Variants in SLIT2 observed in about 807,000 individuals in gnomAD.
SLIT2 encodes slit homolog 2 protein.
A neutral mutation model predicts 185.7 loss-of-function variants in SLIT2; 41 were observed. That is an observed-to-expected ratio of 0.22 (90% confidence interval 0.17 to 0.29). The LOEUF (loss-of-function observed/expected upper bound fraction) is 0.29. SLIT2 is among the 10% of genes least tolerant of loss of function. The pLI is 1.00. For synonymous variants in SLIT2, 693 were observed against 680.2 expected (o/e 1.02, Z -0.29); for missense variants, 1,571 against 1,909.0 (o/e 0.82, Z 3.30).
At chr4:20,613,064 A>T (rs552967647) in intron 34 of SLIT2, among the ~76,000 whole-genome samples, 1 of 152,314 alleles carries the variant, frequency 6.6e-6, no homozygotes, top group East Asian at 1.9e-4. Flanking sequence ...AGAAATGTAA[A>T]TTAATTCAGC....
intron 4 of SLIT2, among the ~76,000 whole-genome samples, chr4:20,436,267 AACAT>A (rs1197647984): frequency 1.3e-5 from 2 of 152,226 alleles, no homozygotes; most frequent in African/African-American, 4.8e-5. Context: ...TACCTCTTTA[AACAT>A]ACAATCTAAG....
intron 1 of SLIT2, chr4:20,255,102 T>G (rs1407228945): frequency 2.2e-6 from 1 of 455,204 alleles, no homozygotes. Flanking sequence ...CGGTTGCGTG[T>G]GGGCCGGGAG....
intron 4 of SLIT2, among the ~76,000 whole-genome samples, chr4:20,409,594 G>C (rs549249991): frequency 3.0e-4 from 45 of 152,274 alleles, no homozygotes; most frequent in African/African-American, 1.1e-3. Flanking sequence ...CCCAGTCATG[G>C]GATTTCTGGG....
chr4:20,401,662 A>G (rs1460097077), intron 4 of SLIT2, among the ~76,000 whole-genome samples: 2 of 151,832 alleles, frequency 1.3e-5, no homozygotes, highest in East Asian at 1.9e-4. Flanking sequence ...ACATTCTACA[A>G]CTTGACATAA....
intron 9 of SLIT2, among the ~76,000 whole-genome samples, chr4:20,505,312 T>C (rs1719105475): frequency 6.6e-6 from 1 of 152,070 alleles, no homozygotes; most frequent in East Asian, 1.9e-4. Flanking sequence ...TCCATGTCTA[T>C]ATAAGTGCAA....
intron 4 of SLIT2, among the ~76,000 whole-genome samples, chr4:20,409,437 T>C (rs985837165): frequency 1.2e-4 from 18 of 152,228 alleles, no homozygotes; most frequent in Non-Finnish European, 1.0e-4. Context: ...TTCCATGGTG[T>C]ATATGTACCA....
At chr4:20,382,410 G>C (rs116343656) in intron 4 of SLIT2, among the ~76,000 whole-genome samples, 1 of 151,992 alleles carries the variant, frequency 6.6e-6, no homozygotes, top group African/African-American at 2.4e-5. Context: ...TAACATGATC[G>C]TTTTTGTAGA....
At chr4:20,383,987 T>C (rs538905884) in intron 4 of SLIT2, among the ~76,000 whole-genome samples, 22 of 152,288 alleles carry the variant, frequency 1.4e-4, no homozygotes, top group African/African-American at 4.6e-4. Context: ...ATTACTGGCA[T>C]GATCCATCAC....
chr4:20,581,376 G>A (rs1452185638), intron 29 of SLIT2, among the ~76,000 whole-genome samples: 6 of 152,032 alleles, frequency 3.9e-5, no homozygotes, highest in Admixed American at 2.0e-4. Context: ...CACAACCTGG[G>A]GTACTAGAGG....
chr4:20,530,566 A>T lies in SLIT2; in HGVS notation c.1614-1418A>T, dbSNP rs191726638. ...TCAAAGTGCCAGGGTTACAGGCATG[A>T]GACACTGCCCCTGGCCTAGCACTTT... On this transcript the variant is annotated intron_variant, in intron 16 of 36. Coordinates refer to ENST00000504154, the MANE Select transcript of SLIT2 (RefSeq NM_004787.4). Among the ~76,000 whole-genome samples, 331 of 152,288 alleles carry T rather than the reference A, an allele frequency of 2.2e-3. 3 individuals carry two copies. The highest frequency in any genetic ancestry group is 7.5e-3 in the African/African-American group (312 of 41,554).
Position 20,550,810 on chromosome 4 carries a change from C to A in SLIT2, c.2490-17C>A, listed in dbSNP as rs764253273. 6.4e-7 allele frequency: 1 copy of A among 1,555,228 alleles called. No individual in the cohort carries two copies. Among genetic ancestry groups the A allele is most frequent in the Non-Finnish European group, 8.8e-7 (1 of 1,133,240 alleles). ...CAGAAATATAGGAAGTTTAATTTTTCTTTTTCTTTCTTTTAGTTCTCTACA... is the reference window on the plus strand; with the variant it reads ...CAGAAATATAGGAAGTTTAATTTTTATTTTTCTTTCTTTTAGTTCTCTACA... On this transcript the variant is annotated splice_polypyrimidine_tract_variant and intron_variant, in intron 24 of 36. Transcript: ENST00000504154.
intron 4 of SLIT2, among the ~76,000 whole-genome samples, chr4:20,330,061 T>C (rs916786323): frequency 1.3e-5 from 2 of 152,088 alleles, no homozygotes; most frequent in Admixed American, 1.3e-4. Flanking sequence ...TGTTTTCCCA[T>C]GTAAACCTTA....
chr4:20,446,777 T>C (rs1711849450), intron 4 of SLIT2, among the ~76,000 whole-genome samples: 1 of 152,196 alleles, frequency 6.6e-6, no homozygotes, highest in Non-Finnish European at 1.5e-5. Context: ...TTATTAACTA[T>C]TAACTCTATG....
intron 22 of SLIT2, 69 bp from the exon 23 acceptor site, chr4:20,548,416 TCTC>T (rs1406675207): frequency 7.6e-6 from 6 of 790,054 alleles, no homozygotes; most frequent in Non-Finnish European, 1.3e-5. Flanking sequence ...AGAAGACCCT[TCTC>T]CTTCTAAGAA....
At chr4:20,276,244 A>G (rs894050406) in intron 4 of SLIT2, among the ~76,000 whole-genome samples, 48 of 152,134 alleles carry the variant, frequency 3.2e-4, no homozygotes, top group Non-Finnish European at 1.2e-4. Context: ...TTTTTCCACA[A>G]TTCCAGTACT....
At chr4:20,483,084 T>G (rs980550874) in intron 6 of SLIT2, among the ~76,000 whole-genome samples, 12 of 152,050 alleles carry the variant, frequency 7.9e-5, no homozygotes, top group African/African-American at 2.9e-4. Flanking sequence ...ATGTACTGTC[T>G]TATGTGGAAA....
At chr4:20,390,332 G>A (rs997448683) in intron 4 of SLIT2, among the ~76,000 whole-genome samples, 8 of 152,070 alleles carry the variant, frequency 5.3e-5, no homozygotes, top group South Asian at 2.1e-4. Context: ...TCACCAATAA[G>A]CATCTTAAAA....
intron 9 of SLIT2, among the ~76,000 whole-genome samples, chr4:20,507,572 G>T (rs1288446299): frequency 6.6e-6 from 1 of 151,758 alleles, no homozygotes; most frequent in South Asian, 2.1e-4. Context: ...TTTCACAAAT[G>T]TATGAACATC....
At chr4:20,309,885 G>C (rs1717929901) in intron 4 of SLIT2, among the ~76,000 whole-genome samples, 1 of 148,728 alleles carries the variant, frequency 6.7e-6, no homozygotes, top group South Asian at 2.2e-4. Flanking sequence ...TCAGCCTCCC[G>C]AGTAGCTGGG....
Sources: gnomAD v4.1 joint callset for allele counts (sites outside exome capture counted in the v4.1 genomes callset) on GRCh38, gnomAD v4.1.1 for gene constraint, MANE v1.5 for transcripts, NCBI Gene and HGNC (gene_info 2026-07-23, HGNC 2026-07-21) for gene names.